NAF1: variants seen among roughly 807,000 people sequenced by gnomAD.
The protein encoded by NAF1 is nuclear assembly factor 1 ribonucleoprotein, also known as H/ACA ribonucleoprotein complex non-core subunit NAF1.
NAF1 carries 11 observed loss-of-function variants against 40.6 expected under a neutral mutation model. The observed-to-expected ratio is 0.27, with a 90% CI of 0.17 to 0.45. The LOEUF (loss-of-function observed/expected upper bound fraction) is 0.45. Ranked by LOEUF, NAF1 falls within the 20% of genes least tolerant of loss-of-function variation. NAF1 has a pLI of 1.00. For missense variants in NAF1, 607 were observed against 611.1 expected, an observed-to-expected ratio of 0.99 and a Z score of 0.07; for synonymous variants, 260 against 228.5, an observed-to-expected ratio of 1.14 and a Z score of -1.24.
intron 2 of NAF1, 84 bp from the exon 3 acceptor site, chr4:163,148,518 C>T: frequency 1.1e-6 from 1 of 905,192 alleles, no homozygotes; most frequent in Non-Finnish European, 1.7e-6. Context: ...TTAAGTGCTA[C>T]ACATCTCTGA....
Position 163,164,397 on chromosome 4 carries a change from G to T in NAF1, c.366-6C>A. On this transcript the variant is annotated splice_polypyrimidine_tract_variant and splice_region_variant and intron_variant, in intron 1 of 7. Transcript: ENST00000274054. ...AACTATCTGAATCTGTTTCACTGTA[G>T]GGAAGAAAACAGTTAAAAAAATAGT... 6.5e-7 allele frequency: 1 copy of T among 1,531,070 alleles called. No individual in the cohort carries two copies. Among genetic ancestry groups the T allele is most frequent in the East Asian group, 2.4e-5 (1 of 41,932 alleles). 94.8% of individuals were successfully genotyped at this position (1,531,070 alleles called of 1,614,324 possible).
At chr4:163,112,780 G>A (rs1730202991) in intron 2 of NAF1, among the ~76,000 whole-genome samples, 1 of 152,168 alleles carries the variant, frequency 6.6e-6, no homozygotes, top group African/African-American at 2.4e-5. Flanking sequence ...GTACAAAGAG[G>A]AAAACAAAAC....
chr4:163,136,059 ACCCT>A (rs1731043875), intron 6 of NAF1: 1 of 152,180 alleles, frequency 6.6e-6, no homozygotes, highest in Admixed American at 6.5e-5. Flanking sequence ...CCTGTATAGA[ACCCT>A]CCAAGTGGGC....
At chr4:163,109,167 T>A (rs902196162), downstream of NAF1, among the ~76,000 whole-genome samples, 16 of 151,536 alleles carry the variant, frequency 1.1e-4, no homozygotes, top group African/African-American at 3.4e-4. Flanking sequence ...ACCCTTTTTT[T>A]TTTTTTTTTC....
At chr4:163,113,820 G>A (rs903710362) in intron 2 of NAF1, among the ~76,000 whole-genome samples, 1 of 152,138 alleles carries the variant, frequency 6.6e-6, no homozygotes, top group Non-Finnish European at 1.5e-5. Flanking sequence ...ATCTTCTCCA[G>A]ACCATAGCTA....
At chr4:163,129,373 T>C in intron 7 of NAF1, 25 bp from the exon 8 acceptor site, 1 of 1,562,942 alleles carries the variant, frequency 6.4e-7, no homozygotes, top group Non-Finnish European at 8.7e-7. Context: ...AGGGAAAACA[T>C]AAAAAGGAAA....
intron 7 of NAF1, 26 bp downstream of exon 7, chr4:163,133,128 C>G (rs372573117): frequency 5.9e-6 from 9 of 1,518,162 alleles, no homozygotes; most frequent in Non-Finnish European, 8.2e-6. Context: ...AGATAAAGAA[C>G]GAGTATATAT....
At chr4:163,127,426 G>A (rs556438856), downstream of NAF1, among the ~76,000 whole-genome samples, 7 of 152,230 alleles carry the variant, frequency 4.6e-5, no homozygotes, top group East Asian at 5.8e-4. Flanking sequence ...CACTGCACCC[G>A]GCCGAAATGG....
downstream of NAF1, among the ~76,000 whole-genome samples, chr4:163,126,411 C>T (rs148543108): frequency 7.9e-5 from 12 of 152,204 alleles, no homozygotes; most frequent in Admixed American, 2.6e-4. Context: ...TAAGACTTCA[C>T]TGGAGGAAAT....
chr4:163,126,805 G>A (rs1012616738), downstream of NAF1: 3 of 815,348 alleles, frequency 3.7e-6, no homozygotes, highest in African/African-American at 5.3e-5. Flanking sequence ...AGGAGAAACT[G>A]CCACTTTTAG....
At chr4:163,152,682 T>C (rs942838478) in intron 2 of NAF1, among the ~76,000 whole-genome samples, 4 of 152,268 alleles carry the variant, frequency 2.6e-5, no homozygotes, top group South Asian at 2.1e-4. Flanking sequence ...GACAGCGTGC[T>C]GGCAGTCCTC....
downstream of NAF1, among the ~76,000 whole-genome samples, chr4:163,124,242 G>C (rs1367851536): frequency 6.6e-6 from 1 of 152,144 alleles, no homozygotes; most frequent in Non-Finnish European, 1.5e-5. Context: ...TCAAGATGAA[G>C]GCATTAGCAG....
Position 163,145,798 on chromosome 4 carries a change from C to T in NAF1, c.701G>A (p.Arg234Gln), listed in dbSNP as rs755320741. The T allele has an allele frequency of 4.4e-6, 7 of 1,584,840 alleles. No individual in the cohort carries two copies. The highest frequency in any genetic ancestry group is 1.7e-4 in the Middle Eastern group (1 of 6,012). The change falls in exon 4 of 8, where the codon CGA becomes CAA. Residue 234 changes from arginine to glutamine, a missense_variant. Arg to Gln is a conservative substitution (Grantham distance 43). This residue lies in a region of NAF1 where 407 missense variants were observed against 365.5 expected (regional missense o/e 1.11). Transcript: ENST00000274054. The part of the protein sequence containing the change: ...NEETVIFKSD[R>Q]QAAGKIFEIF... ...TTTACAAACCTTTCCTGCTGCTTGT[C>T]GATCACTTTTAAAAATTACAGTCTC...
Position 163,166,259 on chromosome 4 carries a change from C to G in NAF1, c.365+104G>C, listed in dbSNP as rs1036566572. ...CCCGGAGCACCAACGACCTGCCCACCCTCCAGGGCCCACACAAGCAACCTC... is the reference window on the plus strand; with the variant it reads ...CCCGGAGCACCAACGACCTGCCCACGCTCCAGGGCCCACACAAGCAACCTC... On this transcript the variant is annotated intron_variant, in intron 1 of 7. Transcript: ENST00000274054. The G allele has an allele frequency of 8.6e-6, 12 of 1,400,270 alleles. No individual in the cohort carries two copies. The African/African-American group carries it at 1.8e-4, about 21-fold the overall frequency. The allele number at this position is 1,400,270 out of a possible 1,614,324, so 86.7% of individuals were successfully genotyped here.
chr4:163,117,846 G>A lies in NAF1; in HGVS notation c.115-7556C>T, dbSNP rs540405510. ...TAAAGATCAACCCAAAAACCTTGCA[G>A]ATTGATTAGCCTTAATCATTTGGTA... On this transcript the variant is annotated intron_variant, in intron 2 of 2. Coordinates refer to the NAF1 transcript ENST00000509434. 6.6e-5 allele frequency among the ~76,000 whole-genome samples: 10 copies of A among 152,212 alleles called. No homozygotes were observed. The South Asian group carries it at 1.9e-3, about 28-fold the overall frequency.
chr4:163,106,064 AAC>A (rs372142257), downstream of NAF1, among the ~76,000 whole-genome samples: 133 of 152,284 alleles, frequency 8.7e-4, 3 homozygotes, highest in South Asian at 0.017. Context: ...TTGTGTAAGA[AAC>A]ACACAATTAA....
intron 3 of NAF1, among the ~76,000 whole-genome samples, chr4:163,146,971 T>C (rs548861469): frequency 5.3e-5 from 8 of 152,170 alleles, no homozygotes; most frequent in Non-Finnish European, 1.0e-4. Context: ...GGATCAACAT[T>C]ATGACCTAAA....
chr4:163,154,692 GA>G (rs1305924348), intron 2 of NAF1, among the ~76,000 whole-genome samples: 1 of 151,950 alleles, frequency 6.6e-6, no homozygotes. Context: ...CCAACATGAT[GA>G]AATCCCATCT....
intron 2 of NAF1, among the ~76,000 whole-genome samples, 184 bp downstream of exon 2, chr4:163,164,033 T>G (rs906153606): frequency 1.3e-5 from 2 of 152,266 alleles, no homozygotes; most frequent in African/African-American, 4.8e-5. Context: ...AGAAGCAACC[T>G]AAGAAATTAT....
Sources: allele counts gnomAD v4.1 joint callset (sites outside exome capture counted in the v4.1 genomes callset), GRCh38; gene constraint gnomAD v4.1.1; regional missense constraint gnomAD v4.1.1; transcripts MANE v1.5; gene names NCBI Gene and HGNC (gene_info 2026-07-23, HGNC 2026-07-21).